L3HYPDH: variants seen among roughly 807,000 people sequenced by gnomAD.
L3HYPDH encodes trans-3-hydroxy-L-proline dehydratase.
Under a neutral mutation model 26.5 loss-of-function variants are expected in L3HYPDH, and 32 were observed. The ratio of observed to expected loss-of-function variants is 1.21; its 90% CI spans 0.91 to 1.62. L3HYPDH has a LOEUF of 1.62. Among genes scored for constraint, L3HYPDH ranks in the 40% most tolerant of loss-of-function variants. The probability of loss-of-function intolerance (pLI) is 0.00; values close to 1 mark genes in which losing one functional copy is unlikely to be tolerated. For synonymous variants in L3HYPDH, 215 were observed against 196.6 expected (o/e 1.09, Z -0.78); for missense variants, 554 against 476.4 (o/e 1.16, Z -1.52).
chr14:59,487,379 G>A (rs1594931106), upstream of L3HYPDH: 1 of 212,380 alleles, frequency 4.7e-6, no homozygotes, highest in East Asian at 1.0e-4. Context: ...CATGAATCCA[G>A]AACATTTATC....
chr14:59,483,410 T>C lies in L3HYPDH; in HGVS notation c.508+399A>G, dbSNP rs1006193016. On this transcript the variant is annotated intron_variant, in intron 1 of 4. Transcript: ENST00000247194. ...TAGTAACTTATTAAGTGTGATTCTG[T>C]GTCTACCAAGCATATTCTCAGCCAG... The C allele has an allele frequency of 1.5e-5, 10 of 653,958 alleles. No homozygotes were observed. The African/African-American group carries it at 1.6e-4, about 10-fold the overall frequency. 40.5% of individuals were successfully genotyped at this position (653,958 alleles called of 1,614,324 possible).
chr14:59,477,404 A>G (rs982293538), intron 2 of L3HYPDH, among the ~76,000 whole-genome samples: 1 of 152,254 alleles, frequency 6.6e-6, no homozygotes, highest in South Asian at 2.1e-4. Flanking sequence ...TTCACAGAGT[A>G]ATTAATTGTA....
chr14:59,497,256 T>C, the L3HYPDH span, among the ~76,000 whole-genome samples: 1 of 152,198 alleles, frequency 6.6e-6, no homozygotes, highest in Admixed American at 6.5e-5. Flanking sequence ...ACTAAAACTT[T>C]AAGAATGAGT....
At chr14:59,466,832 A>T (rs757185889) in intron 1 of L3HYPDH, among the ~76,000 whole-genome samples, 1 of 152,202 alleles carries the variant, frequency 6.6e-6, no homozygotes, top group Non-Finnish European at 1.5e-5. Context: ...TATGATGTTC[A>T]GCAGCATCCC....
In L3HYPDH at chr14:59,479,332, AG is replaced by A. The variant is rs1258816061; in HGVS notation, c.527del (p.Pro176LeufsTer6). On this transcript the variant is annotated frameshift_variant, in exon 2 of 5. Coordinates refer to ENST00000247194, the MANE Select transcript of L3HYPDH (RefSeq NM_144581.2). LOFTEE classifies it high-confidence loss of function. Reference sequence around the variant, plus strand: ...TGTCCACCATCACCTTTCCATGTCCAGGAACATCCACCATGAGATCTAAAAA... The same window carrying A: ...TGTCCACCATCACCTTTCCATGTCCAGAACATCCACCATGAGATCTAAAAA... ...VLATDLMVDVPGHGKVMVDIA... is the reference protein window; with the variant it reads ...VLATDLMVDVXGHGKVMVDIA... 6.2e-7 allele frequency: 1 copy of A among 1,612,456 alleles called. No individual in the cohort carries two copies. The highest frequency in any genetic ancestry group is 2.2e-5 in the East Asian group (1 of 44,798).
chr14:59,472,924 T>G lies in L3HYPDH; in HGVS notation c.*41A>C. 1 of 1,536,156 alleles carries G rather than the reference T, an allele frequency of 6.5e-7. No homozygotes were observed. ...TAGAGAAAACAGTCCTTAAGGATAA[T>G]GATTACTTTAAAAAGAAAGCCCTTA... On this transcript the variant is annotated 3_prime_UTR_variant, in exon 5 of 5. Coordinates refer to ENST00000247194, the MANE Select transcript of L3HYPDH (RefSeq NM_144581.2).
chr14:59,494,891 A>T, the L3HYPDH span: 4 of 653,044 alleles, frequency 6.1e-6, no homozygotes, highest in Non-Finnish European at 1.1e-5. Flanking sequence ...AAAAAAGGTT[A>T]TACTCGAGTA....
chr14:59,489,965 T>G, the L3HYPDH span, among the ~76,000 whole-genome samples: 3 of 152,128 alleles, frequency 2.0e-5, no homozygotes, highest in Non-Finnish European at 4.4e-5. Context: ...GTTTGTCACC[T>G]AGGCTGTATT....
intron 2 of L3HYPDH, among the ~76,000 whole-genome samples, chr14:59,477,157 A>G (rs888319282): frequency 6.6e-6 from 1 of 152,202 alleles, no homozygotes; most frequent in Non-Finnish European, 1.5e-5. Context: ...GCACATTCCA[A>G]CATAACACTG....
chr14:59,487,779 C>T, upstream of L3HYPDH: 1 of 1,613,530 alleles, frequency 6.2e-7, no homozygotes, highest in Non-Finnish European at 8.5e-7. Flanking sequence ...GGCAATGCTT[C>T]CTCTGGTTTT....
upstream of L3HYPDH, chr14:59,485,054 A>C: frequency 6.3e-7 from 1 of 1,598,408 alleles, no homozygotes; most frequent in South Asian, 1.1e-5. Context: ...AACTTTAGCC[A>C]TCGTTCGCTA....
At chr14:59,489,036 T>C (rs1360573037), upstream of L3HYPDH, among the ~76,000 whole-genome samples, 1 of 152,266 alleles carries the variant, frequency 6.6e-6, no homozygotes, top group Non-Finnish European at 1.5e-5. Context: ...TCTCATTGTG[T>C]TGGCTATTAG....
chr14:59,505,235 T>C, the L3HYPDH span: 2 of 1,449,340 alleles, frequency 1.4e-6, no homozygotes, highest in South Asian at 1.3e-5. Flanking sequence ...GTTGTATCCT[T>C]GAGTTACTTT....
the L3HYPDH span, chr14:59,504,364 C>T: frequency 1.7e-5 from 6 of 344,442 alleles, no homozygotes; most frequent in Non-Finnish European, 2.6e-5. Flanking sequence ...AATCATGTTT[C>T]TGTGTACCTA....
At chr14:59,502,436 C>T in the L3HYPDH span, among the ~76,000 whole-genome samples, 1 of 152,134 alleles carries the variant, frequency 6.6e-6, no homozygotes, top group Non-Finnish European at 1.5e-5. Context: ...AAGTTGTAAA[C>T]TATTTTGGAG....
At chr14:59,476,558 C>A (rs569546130) in intron 2 of L3HYPDH, among the ~76,000 whole-genome samples, 5 of 152,128 alleles carry the variant, frequency 3.3e-5, no homozygotes, top group Non-Finnish European at 4.4e-5. Flanking sequence ...CACAGGCTGG[C>A]GATGGCTGCT....
chr14:59,485,234 A>G, upstream of L3HYPDH: 2 of 1,102,060 alleles, frequency 1.8e-6, no homozygotes, highest in Non-Finnish European at 1.3e-6. Context: ...TACTAGATGT[A>G]AAGCCCATAC....
chr14:59,482,525 G>A (rs1431527278), intron 1 of L3HYPDH, among the ~76,000 whole-genome samples: 3 of 152,280 alleles, frequency 2.0e-5, no homozygotes, highest in African/African-American at 7.2e-5. Flanking sequence ...AGTTGCCTAG[G>A]GGGAATTCTG....
chr14:59,475,733 A>C (rs1889581885), intron 4 of L3HYPDH, 136 bp downstream of exon 4: 4 of 964,172 alleles, frequency 4.1e-6, no homozygotes, highest in Non-Finnish European at 6.1e-6. Context: ...GTCCTAGTTG[A>C]AAAGAAGTTT....
Sources: allele counts gnomAD v4.1 joint callset (sites outside exome capture counted in the v4.1 genomes callset), GRCh38; gene constraint gnomAD v4.1.1; transcripts MANE v1.5; gene names NCBI Gene and HGNC (gene_info 2026-07-23, HGNC 2026-07-21).